GIGYF1: variants seen among roughly 807,000 people sequenced by gnomAD.
The protein encoded by GIGYF1 is GRB10 interacting GYF protein 1.
In GIGYF1, 84 loss-of-function variants were observed where a neutral mutation model predicts 147.1. The ratio of observed to expected loss-of-function variants is 0.57; its 90% CI spans 0.48 to 0.68. GIGYF1 has a LOEUF of 0.68. Among genes scored for constraint, GIGYF1 ranks in the 30% least tolerant of loss-of-function variants. GIGYF1 has a pLI of 0.00. For synonymous variants in GIGYF1, 752 were observed against 589.5 expected (o/e 1.28, Z -3.99); for missense variants, 1,485 against 1,393.7 (o/e 1.07, Z -1.04).
At chr7:100,683,721 G>C in intron 19 of GIGYF1, 89 bp from the exon 20 acceptor site, 1 of 1,553,122 alleles carries the variant, frequency 6.4e-7, no homozygotes, top group Non-Finnish European at 8.9e-7. Context: ...TCCCCAGCCA[G>C]AATGGCAGCT....
chr7:100,685,672 G>A (rs1391795124), intron 12 of GIGYF1, among the ~76,000 whole-genome samples, 191 bp from the exon 13 acceptor site: 15 of 152,074 alleles, frequency 9.9e-5, no homozygotes, highest in Admixed American at 9.2e-4. Flanking sequence ...GCTGCCAGAC[G>A]CGGCAGGAAC....
intron 19 of GIGYF1, 51 bp from the exon 20 acceptor site, chr7:100,683,683 C>G (rs768454852): frequency 6.3e-7 from 1 of 1,579,758 alleles, no homozygotes; most frequent in South Asian, 1.1e-5. Flanking sequence ...CTTGGGCCCA[C>G]TGATCTAGTC....
At position 100,687,507 on chromosome 7, in the gene GIGYF1, C is replaced by T. The variant is rs777902537; in HGVS notation, c.371G>A (p.Arg124Gln). ...TSRGRGSTRS[R>Q]GRGRGDSCFY... is the part of the protein sequence containing the mutation. The stretch of plus-strand genomic sequence containing the variant: ...AGGACACGCCATCACCCCTCTACCT[C>T]GGCTCCGCGTGCTGCCCCTGCCTCG... The change falls in exon 7 of 27, where the codon CGA (arginine) becomes CAA (glutamine). Residue 124 changes from arginine to glutamine, a missense_variant and splice_region_variant. Physicochemically the swap from Arg to Gln is conservative, Grantham distance 43. Transcript: ENST00000678049. 2.0e-5 allele frequency: 33 copies of T among 1,610,730 alleles called. No individual in the cohort carries two copies. Among genetic ancestry groups the T allele is most frequent in the African/African-American group, 2.7e-5 (2 of 74,918 alleles).
chr7:100,693,615 C>T (rs940703586), intron 1 of GIGYF1, among the ~76,000 whole-genome samples: 2 of 152,188 alleles, frequency 1.3e-5, no homozygotes, highest in Non-Finnish European at 2.9e-5. Flanking sequence ...CGAGGGGAAC[C>T]CAAAGGCGCG....
Position 100,687,406 on chromosome 7 carries a change from C to A in GIGYF1, c.374G>T (p.Gly125Val). The A allele has an allele frequency of 6.2e-7, 1 of 1,613,300 alleles. No homozygotes were observed. Among genetic ancestry groups the A allele is most frequent in the Non-Finnish European group, 8.5e-7 (1 of 1,179,936 alleles). ...SRGRGSTRSR[G>V]RGRGDSCFYQ... ...AAAGCAGCTGTCACCACGGCCGCGG[C>A]CTAGAGAAGAGGCCAGACGCACAAT... The change falls in exon 8 of 27, where the codon GGC (glycine) becomes GTC (valine). Residue 125 changes from glycine (G) to valine (V), a missense_variant and splice_region_variant. Transcript: ENST00000678049.
Position 100,688,326 on chromosome 7 carries a change from C to A in GIGYF1, c.-69-19G>T. 9.0e-7 allele frequency: 1 copy of A among 1,105,444 alleles called. No homozygotes were observed. Among genetic ancestry groups the A allele is most frequent in the Non-Finnish European group, 1.3e-6 (1 of 741,332 alleles). The allele number at this position is 1,105,444 out of a possible 1,614,324, so 68.5% of individuals were successfully genotyped here. A position where few individuals can be genotyped will look rare whatever the true frequency, so the allele number is the denominator to read the frequency against. On this transcript the variant is annotated intron_variant, in intron 3 of 26. Transcript: ENST00000678049. ...CAAACACCTGTGGGGGAACAGGGGC[C>A]ATGAAGAACAGCACACGAAGGAGAA...
In GIGYF1 at chr7:100,681,013, G is replaced by C. The variant is rs371509308; in HGVS notation, c.*706C>G. ...CCCGTCTACTCGGCCAGCACAAGAT[G>C]GCAGCCAGAGAGCTGGGGCCACTCG... On this transcript the variant is annotated 3_prime_UTR_variant, in exon 27 of 27. Transcript: ENST00000678049. 1 of 152,858 alleles carries C rather than the reference G, an allele frequency of 6.5e-6. No homozygotes were observed. The highest frequency in any genetic ancestry group is 1.9e-4 in the East Asian group (1 of 5,184). The allele number at this position is 152,858 out of a possible 1,614,324, so 9.5% of individuals were successfully genotyped here. A position where few individuals can be genotyped will look rare whatever the true frequency, so the allele number is the denominator to read the frequency against.
intron 18 of GIGYF1, 39 bp from the exon 19 acceptor site, chr7:100,683,957 A>G (rs755113233): frequency 1.9e-6 from 3 of 1,567,228 alleles, no homozygotes; most frequent in Non-Finnish European, 2.6e-6. Context: ...CCCCAAATCC[A>G]TCTCTGGTCT....
intron 17 of GIGYF1, 29 bp from the exon 18 acceptor site, chr7:100,684,186 C>A (rs1391856255): frequency 6.2e-7 from 1 of 1,608,864 alleles, no homozygotes; most frequent in East Asian, 2.2e-5. Flanking sequence ...AGATGGTGGG[C>A]CACAGAGCCA....
rs1021744040 is a variant in GIGYF1, at chr7:100,686,693, G to A, written c.650C>T (p.Ala217Val). 5.0e-6 allele frequency: 8 copies of A among 1,612,978 alleles called. No homozygotes were observed. Among genetic ancestry groups the A allele is most frequent in the Non-Finnish European group, 6.8e-6 (8 of 1,179,836 alleles). ...GCGGTCGCCGTCTCGCCGGGGCCCT[G>A]CTCCGAGCCTCCAGCTGCCCTCCTC... ...EEEEGSWRLG[A>V]GPRRDGDRWR... Residue 217 changes from alanine to valine, a missense_variant, in exon 10 of 27, where the codon GCA (alanine) becomes GTA (valine). Ala to Val is a moderately conservative substitution (Grantham distance 64). Coordinates refer to ENST00000678049, the MANE Select transcript of GIGYF1 (RefSeq NM_001375765.1).
chr7:100,694,216 C>T lies in GIGYF1; in HGVS notation c.-1205G>A, dbSNP rs1249034922. 6.9e-6 allele frequency among the ~76,000 whole-genome samples: 1 copy of T among 145,606 alleles called. No individual in the cohort carries two copies. The highest frequency in any genetic ancestry group is 1.5e-5 in the Non-Finnish European group (1 of 65,578). On this transcript the variant is annotated 5_prime_UTR_variant, in exon 1 of 27. Transcript: ENST00000678049. ...GCGGGGGAGGGGGCGCTGGCGCTCC[C>T]GCGGCGGCCGCTCCTCTGTGTTTGT...
chr7:100,685,177 A>T, intron 13 of GIGYF1, 31 bp from the exon 14 acceptor site: 30 of 1,540,420 alleles, frequency 1.9e-5, no homozygotes, highest in Non-Finnish European at 2.6e-5. Flanking sequence ...GGTGGAAAGA[A>T]GGGCGGGGAG....
intron 22 of GIGYF1, 46 bp from the exon 23 acceptor site, chr7:100,682,823 G>C: frequency 1.3e-6 from 2 of 1,499,408 alleles, no homozygotes; most frequent in Non-Finnish European, 1.8e-6. Flanking sequence ...AGGCACCCCA[G>C]AAAAGCGGAT....
rs574699936 is a variant in GIGYF1, at chr7:100,683,984, C to T, written c.1868+36G>A. On this transcript the variant is annotated intron_variant, in intron 18 of 26. Coordinates refer to ENST00000678049, the MANE Select transcript of GIGYF1 (RefSeq NM_001375765.1). Reference sequence around the variant, plus strand: ...CTCTGGTCTGCCCCCATCCCCCCCCCACCCTGTATCCTGAGGGCTCGCACG... The same window carrying T: ...CTCTGGTCTGCCCCCATCCCCCCCCTACCCTGTATCCTGAGGGCTCGCACG... 60 of 1,585,928 alleles carry T rather than the reference C, an allele frequency of 3.8e-5. No homozygotes were observed. The East Asian group carries it at 4.8e-4, about 13-fold the overall frequency.
Position 100,684,170 on chromosome 7 carries a change from C to CA in GIGYF1, c.1731-14dup. 6.2e-7 allele frequency: 1 copy of CA among 1,609,182 alleles called. No individual in the cohort carries two copies. The highest frequency in any genetic ancestry group is 8.5e-7 in the Non-Finnish European group (1 of 1,179,260). Reference sequence around the variant, plus strand: ...TGGGAGCTGGCGGCTGCAAATGGGACAGTGGAGATGGTGGGCCACAGAGCC... The same window carrying CA: ...TGGGAGCTGGCGGCTGCAAATGGGACAAGTGGAGATGGTGGGCCACAGAGCC... On this transcript the variant is annotated splice_polypyrimidine_tract_variant and intron_variant, in intron 17 of 26. Transcript: ENST00000678049.
rs368356220 is a variant in GIGYF1, at chr7:100,681,357, T to TAAAA, written c.*358_*361dup. On this transcript the variant is annotated 3_prime_UTR_variant, in exon 27 of 27. Coordinates refer to ENST00000678049, the MANE Select transcript of GIGYF1 (RefSeq NM_001375765.1). ...TTTTTCATTTTTCATCTTTTTTTCT[T>TAAAA]AAAAAAAAAAAAAAAACCAAAAAAC... 20 of 138,300 alleles carry TAAAA rather than the reference T, an allele frequency of 1.4e-4. No homozygotes were observed. Among genetic ancestry groups the TAAAA allele is most frequent in the South Asian group, 4.6e-4 (2 of 4,358 alleles). The allele number at this position is 138,300 out of a possible 1,614,324, so 8.6% of individuals were successfully genotyped here.
chr7:100,687,753 G>A (rs1314202957), intron 6 of GIGYF1, 35 bp downstream of exon 6: 1 of 1,512,184 alleles, frequency 6.6e-7, no homozygotes, highest in East Asian at 2.6e-5. Context: ...TCCCCTCCCA[G>A]GCTCCCGCAG....
rs377098038 is a variant in GIGYF1, at chr7:100,682,648, C to T, written c.2542G>A (p.Gly848Ser). Residue 848 changes from glycine to serine, a missense_variant, in exon 23 of 27, where the codon GGC becomes AGC. By Grantham distance (56) the Gly-to-Ser change is moderately conservative (BLOSUM62 0). Transcript: ENST00000678049. ...LGLWEDTPKSGGSLVRGLGLK... is the reference protein window; with the variant it reads ...LGLWEDTPKSSGSLVRGLGLK... Reference sequence around the variant, plus strand: ...CCGAGGCCACGGACCAGGCTCCCGCCGCTCTTGGGGGTGTCCTCCCAGAGC... The same window carrying T: ...CCGAGGCCACGGACCAGGCTCCCGCTGCTCTTGGGGGTGTCCTCCCAGAGC... The T allele has an allele frequency of 3.1e-6, 5 of 1,604,590 alleles. No homozygotes were observed. Among genetic ancestry groups the T allele is most frequent in the Non-Finnish European group, 4.2e-6 (5 of 1,177,506 alleles).
rs1267862705 is a variant in GIGYF1 at position 100,683,923 on chromosome 7, G to A, written c.1869-5C>T. 2.6e-6 allele frequency: 4 copies of A among 1,557,100 alleles called. No individual in the cohort carries two copies. Among genetic ancestry groups the A allele is most frequent in the Admixed American group, 2.0e-5 (1 of 51,212 alleles). ...AGCAGGTTCTGGTCCCCGCCTCTGAGGAGCAAATTGTGGATTCTTAGGACC... is the reference window on the plus strand; with the variant it reads ...AGCAGGTTCTGGTCCCCGCCTCTGAAGAGCAAATTGTGGATTCTTAGGACC... On this transcript the variant is annotated splice_polypyrimidine_tract_variant and splice_region_variant and intron_variant, in intron 18 of 26. Transcript: ENST00000678049.
Sources: allele counts gnomAD v4.1 joint callset (sites outside exome capture counted in the v4.1 genomes callset), GRCh38; gene constraint gnomAD v4.1.1; transcripts MANE v1.5; gene names NCBI Gene and HGNC (gene_info 2026-07-23, HGNC 2026-07-21).